Variants in SNURF observed in about 807,000 individuals in gnomAD.
SNURF encodes SNRPN upstream open reading frame, also known as SNURF protein.
In SNURF, 6 loss-of-function variants were observed where a neutral mutation model predicts 11.6. The ratio of observed to expected loss-of-function variants is 0.52; its 90% confidence interval spans 0.28 to 1.02. The LOEUF (loss-of-function observed/expected upper bound fraction) is 1.02, where lower values mean the gene tolerates loss of function less well. SNURF is among the 50% of genes least tolerant of loss of function. SNURF has a pLI of 0.09. For missense variants in SNURF, 84 were observed against 88.4 expected (o/e 0.95, Z 0.20); for synonymous variants, 29 against 31.6 (o/e 0.92, Z 0.27).
intron 1 of SNURF, 52 bp downstream of exon 1, chr15:24,955,114 T>C: frequency 6.2e-7 from 1 of 1,612,268 alleles, no homozygotes; most frequent in Non-Finnish European, 8.5e-7. Flanking sequence ...AGCGGCCACT[T>C]TTATTCATCA....
chr15:24,973,739 T>C (rs1350549884), downstream of SNURF, among the ~76,000 whole-genome samples: 3 of 152,208 alleles, frequency 2.0e-5, no homozygotes, highest in African/African-American at 7.2e-5. Flanking sequence ...TTACTTGATC[T>C]ATGAAAGTTG....
At chr15:24,955,234 C>A (rs1039898039) in intron 1 of SNURF, among the ~76,000 whole-genome samples, 172 bp downstream of exon 1, 2 of 152,228 alleles carry the variant, frequency 1.3e-5, no homozygotes, top group East Asian at 3.9e-4. Context: ...GCTGTTGTGC[C>A]GTTCTGCCCC....
intron 1 of SNURF, among the ~76,000 whole-genome samples, chr15:24,955,308 A>G (rs1293657360): frequency 1.3e-5 from 2 of 151,592 alleles, no homozygotes; most frequent in African/African-American, 2.4e-5. Context: ...TGGTGTCGCG[A>G]CAGGTCCTAT....
chr15:24,965,566 T>A (rs1323404329), intron 2 of SNURF, among the ~76,000 whole-genome samples: 1 of 152,132 alleles, frequency 6.6e-6, no homozygotes, highest in African/African-American at 2.4e-5. Context: ...GTTCACTGAT[T>A]TATTTTAAAT....
At chr15:24,977,641 A>G in intron 6 of SNURF, 2 of 889,726 alleles carry the variant, frequency 2.2e-6, no homozygotes, top group African/African-American at 3.5e-5. Context: ...TGTCTCAAAA[A>G]AAAACATGGG....
At chr15:24,957,413 TAATG>T (rs1226797618) in intron 1 of SNURF, among the ~76,000 whole-genome samples, 1 of 152,204 alleles carries the variant, frequency 6.6e-6, no homozygotes, top group Non-Finnish European at 1.5e-5. Context: ...ATTTTTAAAT[TAATG>T]ATCATTTTTG....
chr15:24,978,283 C>A, downstream of SNURF: 1 of 1,614,140 alleles, frequency 6.2e-7, no homozygotes, highest in Non-Finnish European at 8.5e-7. Context: ...GGCATGCCGC[C>A]TCCGGGAATG....
rs971757570 is a variant in SNURF, at chr15:24,976,800, G to A, written c.*310-77G>A. 8 of 1,320,284 alleles carry A rather than the reference G, an allele frequency of 6.1e-6. No homozygotes were observed. In the South Asian group the frequency reaches 1.0e-4, roughly 17 times the overall value. 81.8% of individuals were successfully genotyped at this position (1,320,284 alleles called of 1,614,324 possible). On this transcript the variant is annotated intron_variant and NMD_transcript_variant, in intron 5 of 6. Coordinates refer to the SNURF transcript ENST00000580062. ...AGGTGTCATGGGAAAATGGTGGAGA[G>A]AAGTGATCTCTGATGAATAAGAATA...
intron 4 of SNURF, among the ~76,000 whole-genome samples, chr15:24,975,688 C>T (rs1370300345): frequency 6.6e-6 from 1 of 152,134 alleles, no homozygotes; most frequent in African/African-American, 2.4e-5. Flanking sequence ...CATCTGAACT[C>T]TTTTAAGTTT....
downstream of SNURF, among the ~76,000 whole-genome samples, chr15:24,971,581 T>C (rs2076413685): frequency 6.6e-6 from 1 of 152,042 alleles, no homozygotes; most frequent in Non-Finnish European, 1.5e-5. Flanking sequence ...CCTAATTCTC[T>C]AGGTCTTCAG....
chr15:24,966,207 A>G (rs530661520), intron 2 of SNURF, among the ~76,000 whole-genome samples: 8 of 152,276 alleles, frequency 5.3e-5, no homozygotes, highest in Non-Finnish European at 1.2e-4. Flanking sequence ...CTGAGGTCCT[A>G]CTATTTTCTC....
At chr15:24,960,533 G>T (rs1449017884) in intron 1 of SNURF, among the ~76,000 whole-genome samples, 1 of 152,064 alleles carries the variant, frequency 6.6e-6, no homozygotes, top group Non-Finnish European at 1.5e-5. Context: ...TATAGATGTT[G>T]CCCAAGCTGG....
intron 1 of SNURF, chr15:24,958,588 T>C (rs1478590751): frequency 6.9e-6 from 1 of 145,068 alleles, no homozygotes; most frequent in East Asian, 2.2e-4. Context: ...CTATATCCTC[T>C]CCCTCCTCAG....
intron 3 of SNURF, chr15:24,975,019 C>G (rs560145139): frequency 2.1e-4 from 145 of 701,296 alleles, no homozygotes; most frequent in Middle Eastern, 1.4e-3. Context: ...ATTAACAGTA[C>G]AGAGAAAAGC....
chr15:24,958,133 T>C (rs1463276885), intron 1 of SNURF, among the ~76,000 whole-genome samples: 3 of 152,242 alleles, frequency 2.0e-5, no homozygotes, highest in Admixed American at 6.5e-5. Context: ...CGAAATGTTT[T>C]CCACATTTAT....
exon 3 of SNURF, chr15:24,968,107 A>T: frequency 7.8e-7 from 1 of 1,289,408 alleles, no homozygotes; most frequent in Non-Finnish European, 1.1e-6. Context: ...AGCAATGATC[A>T]AGAATAAAGA....
intron 3 of SNURF, chr15:24,974,398 G>A (rs2076823444): frequency 1.3e-6 from 2 of 1,573,180 alleles, no homozygotes; most frequent in Middle Eastern, 1.7e-4. Flanking sequence ...CTTCCCCTAG[G>A]TCTTCAGAAG....
At chr15:24,955,159 T>A in intron 1 of SNURF, 97 bp downstream of exon 1, 1 of 1,532,180 alleles carries the variant, frequency 6.5e-7, no homozygotes, top group Non-Finnish European at 8.9e-7. Context: ...GAGTACTGAA[T>A]AAACGGAATT....
chr15:24,961,473 C>T (rs542103637), intron 1 of SNURF, among the ~76,000 whole-genome samples: 32 of 152,172 alleles, frequency 2.1e-4, no homozygotes, highest in Admixed American at 3.9e-4. Context: ...TATGGCTAGT[C>T]TGGTGTGGGA....
Sources: gnomAD v4.1 joint callset for allele counts (sites outside exome capture counted in the v4.1 genomes callset) on GRCh38, gnomAD v4.1.1 for gene constraint, MANE v1.5 for transcripts, NCBI Gene and HGNC (gene_info 2026-07-23, HGNC 2026-07-21) for gene names.